The following VEPH1 variants were observed in gnomAD, a reference collection of about 807,000 sequenced individuals.
The protein encoded by VEPH1 is ventricular zone expressed PH domain containing 1, also known as ventricular zone-expressed PH domain-containing protein homolog 1.
Under a neutral mutation model 85.2 loss-of-function variants are expected in VEPH1, and 80 were observed. That is an observed-to-expected ratio of 0.94 (90% CI 0.78 to 1.13). The LOEUF (loss-of-function observed/expected upper bound fraction) is 1.13. Among genes scored for constraint, VEPH1 ranks in the 50% most tolerant of loss-of-function variants. The pLI is 0.00. For missense variants in VEPH1, 955 were observed against 980.5 expected (o/e 0.97, Z 0.35); for synonymous variants, 297 against 348.0 (o/e 0.85, Z 1.63).
At chr3:157,455,227 C>T (rs1040151501) in intron 4 of VEPH1, among the ~76,000 whole-genome samples, 15 of 152,164 alleles carry the variant, frequency 9.9e-5, no homozygotes, top group African/African-American at 3.6e-4. Context: ...TATAAGCGTT[C>T]TCTTTTCTCT....
intron 12 of VEPH1, among the ~76,000 whole-genome samples, chr3:157,284,623 A>C (rs1054451388): frequency 1.3e-5 from 2 of 152,164 alleles, no homozygotes; most frequent in Non-Finnish European, 2.9e-5. Context: ...AAGAAGATGA[A>C]ATCAACAACC....
chr3:157,261,095 G>T lies in VEPH1; in HGVS notation c.*39C>A. The T allele has an allele frequency of 8.1e-6, 13 of 1,610,304 alleles. No individual in the cohort carries two copies. The highest frequency in any genetic ancestry group is 9.3e-6 in the Non-Finnish European group (11 of 1,178,300). ...TTGACATTGGCAATGATAATACAAT[G>T]CCTGTGGTGTATAATTGTCATGGCT... On this transcript the variant is annotated 3_prime_UTR_variant, in exon 14 of 14. Coordinates refer to ENST00000362010, the MANE Select transcript of VEPH1 (RefSeq NM_001167912.2).
chr3:157,419,873 A>G (rs1285818246), intron 5 of VEPH1, among the ~76,000 whole-genome samples: 1 of 152,140 alleles, frequency 6.6e-6, no homozygotes, highest in African/African-American at 2.4e-5. Context: ...ACTTGCATGC[A>G]TATGTTCATT....
chr3:157,422,992 T>C lies in VEPH1; in HGVS notation c.696+5330A>G, dbSNP rs147679458. ...AAGGTCAATGCCTGTCTCTTGTCTTTTTTACTTCTCTAGACCTTGACCCTG... is the reference window on the plus strand; with the variant it reads ...AAGGTCAATGCCTGTCTCTTGTCTTCTTTACTTCTCTAGACCTTGACCCTG... On this transcript the variant is annotated intron_variant, in intron 5 of 13. Coordinates refer to ENST00000362010, the MANE Select transcript of VEPH1 (RefSeq NM_001167912.2). Among the ~76,000 whole-genome samples the C allele has an allele frequency of 4.9e-4, 75 of 152,302 alleles. 2 individuals are homozygous for C. Among genetic ancestry groups the C allele is most frequent in the African/African-American group, 1.6e-3 (65 of 41,574 alleles).
intron 10 of VEPH1, among the ~76,000 whole-genome samples, chr3:157,314,636 AG>A (rs1720543896): frequency 6.6e-6 from 1 of 152,116 alleles, no homozygotes; most frequent in Non-Finnish European, 1.5e-5. Context: ...ATTTATACAG[AG>A]TAGATCATTA....
At chr3:157,306,332 A>G (rs1204973399) in intron 11 of VEPH1, among the ~76,000 whole-genome samples, 2 of 152,164 alleles carry the variant, frequency 1.3e-5, no homozygotes, top group Non-Finnish European at 2.9e-5. Context: ...TCATAAGTAT[A>G]TGTATGTATA....
chr3:157,430,605 T>G (rs1014355142), intron 4 of VEPH1, among the ~76,000 whole-genome samples: 1 of 152,234 alleles, frequency 6.6e-6, no homozygotes, highest in African/African-American at 2.4e-5. Context: ...AGAAGTCACC[T>G]GGGCATATCT....
intron 9 of VEPH1, among the ~76,000 whole-genome samples, chr3:157,336,915 T>G (rs927764059): frequency 6.6e-6 from 1 of 152,172 alleles, no homozygotes; most frequent in African/African-American, 2.4e-5. Flanking sequence ...TGTCCAAAAA[T>G]ATTTACTACT....
intron 2 of VEPH1, among the ~76,000 whole-genome samples, chr3:157,472,407 A>G (rs1332358393): frequency 6.6e-6 from 1 of 152,148 alleles, no homozygotes; most frequent in African/African-American, 2.4e-5. Flanking sequence ...TTTCCTAGTA[A>G]TTGTTTTAAA....
chr3:157,313,641 A>C lies in VEPH1; in HGVS notation c.1990T>G (p.Ser664Ala), dbSNP rs761810960. ...AHSFETAMME[S>A]TFPQQKDLDQ... ...TTTACCTTCTGCTGTGGAAACGTGG[A>C]CTCCATCATGGCAGTTTCAAAGCTG... The change falls in exon 11 of 14, where the codon TCC becomes GCC. Residue 664 changes from serine to alanine, a missense_variant. By Grantham distance (99) the Ser-to-Ala change is moderately conservative (BLOSUM62 1). Coordinates refer to ENST00000362010, the MANE Select transcript of VEPH1 (RefSeq NM_001167912.2). The C allele has an allele frequency of 6.2e-7, 1 of 1,613,968 alleles. No individual in the cohort carries two copies. Among genetic ancestry groups the C allele is most frequent in the Non-Finnish European group, 8.5e-7 (1 of 1,179,954 alleles).
chr3:157,277,434 A>G (rs1223918383), intron 12 of VEPH1, among the ~76,000 whole-genome samples: 1 of 152,172 alleles, frequency 6.6e-6, no homozygotes, highest in Non-Finnish European at 1.5e-5. Context: ...AGGAGGACCA[A>G]CTTGTTTGGG....
chr3:157,410,232 G>A (rs1406411236), intron 6 of VEPH1, among the ~76,000 whole-genome samples: 1 of 152,150 alleles, frequency 6.6e-6, no homozygotes, highest in Non-Finnish European at 1.5e-5. Context: ...CAAGGGTCCT[G>A]TGGCTGTCTT....
At chr3:157,411,114 T>C (rs1280735883) in intron 6 of VEPH1, among the ~76,000 whole-genome samples, 1 of 152,158 alleles carries the variant, frequency 6.6e-6, no homozygotes, top group Non-Finnish European at 1.5e-5. Flanking sequence ...GAAAGACTGA[T>C]GCAATGGGTG....
Position 157,261,351 on chromosome 3 carries a change from C to G in VEPH1, c.2285G>C (p.Cys762Ser), listed in dbSNP as rs1712867895. The G allele has an allele frequency of 2.5e-6, 4 of 1,613,438 alleles. No individual in the cohort carries two copies. The highest frequency in any genetic ancestry group is 3.4e-6 in the Non-Finnish European group (4 of 1,179,662). The part of the protein sequence containing the change: ...KGKSKDDPDD[C>S]PIELSKVQSV... The stretch of plus-strand genomic sequence containing the variant: ...CTGTACTTTGCTGAGTTCTATTGGG[C>G]AGTCGTCAGGGTCATCTTTCTGAAA... The change falls in exon 14 of 14, where the codon TGC becomes TCC. Residue 762 changes from cysteine (C) to serine (S), a missense_variant. Coordinates refer to ENST00000362010, the MANE Select transcript of VEPH1 (RefSeq NM_001167912.2).
chr3:157,488,946 T>TCTCTCTCTCTG (rs1738947572), intron 2 of VEPH1: 1 of 132,190 alleles, frequency 7.6e-6, no homozygotes, highest in Non-Finnish European at 1.6e-5. Flanking sequence ...CTCTCTCTCT[T>TCTCTCTCTCTG]TCTCTCTCCC....
At chr3:157,348,054 C>T (rs1724438342) in intron 9 of VEPH1, among the ~76,000 whole-genome samples, 1 of 152,168 alleles carries the variant, frequency 6.6e-6, no homozygotes, top group Non-Finnish European at 1.5e-5. Context: ...TGTGTGGAGC[C>T]TGGGCTGGGG....
chr3:157,278,848 T>C (rs1027861448), intron 12 of VEPH1, among the ~76,000 whole-genome samples: 1 of 151,422 alleles, frequency 6.6e-6, no homozygotes, highest in African/African-American at 2.4e-5. Flanking sequence ...GGAAGAAGAG[T>C]AAGTGTTTGG....
At chr3:157,369,139 A>G (rs992571438) in intron 7 of VEPH1, among the ~76,000 whole-genome samples, 6 of 149,402 alleles carry the variant, frequency 4.0e-5, no homozygotes. Context: ...AACACAAAAA[A>G]CAAAACAAAC....
intron 4 of VEPH1, chr3:157,442,938 A>G (rs1473637934): frequency 6.2e-7 from 1 of 1,613,826 alleles, no homozygotes; most frequent in Non-Finnish European, 8.5e-7. Flanking sequence ...GTGGGGAGTC[A>G]CAGAGATCCA....
Sources: allele counts gnomAD v4.1 joint callset (sites outside exome capture counted in the v4.1 genomes callset), GRCh38; gene constraint gnomAD v4.1.1; transcripts MANE v1.5; gene names NCBI Gene and HGNC (gene_info 2026-07-23, HGNC 2026-07-21).